Variants in ANXA8L1 observed in about 807,000 individuals in gnomAD.
The protein encoded by ANXA8L1 is annexin A8 like 1, also known as annexin A8-like protein 1.
In ANXA8L1, 10 loss-of-function variants were observed where a neutral mutation model predicts 22.5. The ratio of observed to expected loss-of-function variants is 0.44; its 90% CI spans 0.27 to 0.75. The LOEUF (loss-of-function observed/expected upper bound fraction) is 0.75, where lower values mean the gene tolerates loss of function less well. Among genes scored for constraint, ANXA8L1 ranks in the 30% least tolerant of loss-of-function variants. ANXA8L1 has a pLI of 0.15. For missense variants in ANXA8L1, 88 were observed against 219.6 expected (o/e 0.40, Z 3.79); for synonymous variants, 36 against 86.0 (o/e 0.42, Z 3.22).
intron 6 of ANXA8L1, 65 bp from the exon 7 acceptor site, chr10:46,384,709 C>T: frequency 1.2e-6 from 2 of 1,611,968 alleles, no homozygotes; most frequent in Non-Finnish European, 1.7e-6. Context: ...GCCCAGGATC[C>T]CCCCTGTGCC....
In ANXA8L1 at chr10:46,384,834, G is replaced by A. The variant is rs1840016821; in HGVS notation, c.552+1G>A. On this transcript the variant is annotated splice_donor_variant, in intron 7 of 11. Coordinates refer to ENST00000619162, the MANE Select transcript of ANXA8L1 (RefSeq NM_001098845.3). LOFTEE classifies it high-confidence loss of function. The stretch of plus-strand genomic sequence containing the variant: ...GGCACTGGCCCTCCAAGACGCACAG[G>A]TGAGGCTGCGCCCAGCCGGCCATGT... 6.2e-7 allele frequency: 1 copy of A among 1,612,918 alleles called. No homozygotes were observed. Among genetic ancestry groups the A allele is most frequent in the Admixed American group, 1.7e-5 (1 of 59,940 alleles).
rs1382587521 is a variant in ANXA8L1, at chr10:46,383,473, G to T, written c.339G>T (p.Glu113Asp). ...GTCCACAGGGCTTAGGAACCAAGGA[G>T]GGTGTCATCATTGAGATCCTGGCCT... ...HDAMKGLGTK[E>D]GVIIEILASR... Residue 113 changes from glutamate to aspartate, a missense_variant, in exon 5 of 12, where the codon GAG (glutamate) becomes GAT (aspartate). Transcript: ENST00000619162. 90 of 834,218 alleles carry T rather than the reference G, an allele frequency of 1.1e-4. No individual in the cohort carries two copies. Among genetic ancestry groups the T allele is most frequent in the Non-Finnish European group, 1.5e-4 (84 of 567,788 alleles). The allele number at this position is 834,218 out of a possible 1,614,324, so 51.7% of individuals were successfully genotyped here. A position where few individuals can be genotyped will look rare whatever the true frequency, so the allele number is the denominator to read the frequency against.
At chr10:46,385,331 C>A in intron 7 of ANXA8L1, 49 bp from the exon 8 acceptor site, 3 of 686,522 alleles carry the variant, frequency 4.4e-6, no homozygotes, top group Non-Finnish European at 6.7e-6. Flanking sequence ...CTCAGTCCCT[C>A]ACCTCCCTGG....
intron 11 of ANXA8L1, among the ~76,000 whole-genome samples, chr10:46,390,411 C>T (rs1212437642): frequency 3.4e-5 from 4 of 118,788 alleles, no homozygotes; most frequent in African/African-American, 7.3e-5. Context: ...TCGGCCACAC[C>T]GTCAGGGTGC....
In ANXA8L1 at chr10:46,385,774, C is replaced by T. The variant is rs2133015062; in HGVS notation, c.709C>T (p.His237Tyr). The T allele has an allele frequency of 2.1e-5, 7 of 339,110 alleles. No individual in the cohort carries two copies. Among genetic ancestry groups the T allele is most frequent in the East Asian group, 1.8e-4 (6 of 33,082 alleles). The allele number at this position is 339,110 out of a possible 1,614,324, so 21.0% of individuals were successfully genotyped here. A position where few individuals can be genotyped will look rare whatever the true frequency, so the allele number is the denominator to read the frequency against. Residue 237 changes from histidine to tyrosine, a missense_variant, in exon 9 of 12, where the codon CAT becomes TAT. His to Tyr is a moderately conservative substitution (Grantham distance 83). Transcript: ENST00000619162. Reference sequence around the variant, plus strand: ...TGAGGACAGCATCAAGAGTGAGACCCATGGCTCACTGGAGGAGGCCATGCT... The same window carrying T: ...TGAGGACAGCATCAAGAGTGAGACCTATGGCTCACTGGAGGAGGCCATGCT... ...SIEDSIKSET[H>Y]GSLEEAMLTV... is the part of the protein sequence containing the mutation.
chr10:46,378,843 ATC>A (rs1418514570), intron 1 of ANXA8L1, among the ~76,000 whole-genome samples: 45,557 of 130,756 alleles, frequency 0.35, 7,740 homozygotes, highest in Admixed American at 0.44. Flanking sequence ...ATCCATTGGA[ATC>A]TCTGTATTTT....
At chr10:46,376,103 T>G (rs1839924873) in intron 1 of ANXA8L1, among the ~76,000 whole-genome samples, 2 of 143,684 alleles carry the variant, frequency 1.4e-5, no homozygotes, top group Non-Finnish European at 1.5e-5. Context: ...GATGAAGAAA[T>G]CTAGAAATGC....
In ANXA8L1 at chr10:46,378,938, GTGGA is replaced by G. The variant is rs1423963662; in HGVS notation, c.22-932_22-929del. On this transcript the variant is annotated intron_variant, in intron 1 of 11. Transcript: ENST00000619162. ...GGCGGGTGCATAGATGGATGGGTGG[GTGGA>G]TGGATGGATGGATGTGGTAGTCAAA... Among the ~76,000 whole-genome samples the G allele has an allele frequency of 3.5e-3, 465 of 134,014 alleles. 17 individuals carry two copies. The highest frequency in any genetic ancestry group is 0.014 in the African/African-American group (425 of 30,638). The allele number at this position is 134,014 out of a possible 152,430, so 87.9% of individuals were successfully genotyped here. A position where few individuals can be genotyped will look rare whatever the true frequency, so the allele number is the denominator to read the frequency against.
At chr10:46,383,235 C>T (rs1402496141) in intron 4 of ANXA8L1, among the ~76,000 whole-genome samples, 1 of 148,730 alleles carries the variant, frequency 6.7e-6, no homozygotes, top group Non-Finnish European at 1.5e-5. Context: ...GACCACCCAG[C>T]TAAGGAGGGA....
intron 8 of ANXA8L1, 24 bp from the exon 9 acceptor site, chr10:46,385,688 C>A: frequency 3.0e-6 from 1 of 328,406 alleles, no homozygotes; most frequent in Non-Finnish European, 5.7e-6. Flanking sequence ...TCTGACCATC[C>A]CCTGAGCAGA....
chr10:46,389,875 G>A lies in ANXA8L1; in HGVS notation c.925-996G>A, dbSNP rs116420620. On this transcript the variant is annotated intron_variant, in intron 11 of 11. Coordinates refer to ENST00000619162, the MANE Select transcript of ANXA8L1 (RefSeq NM_001098845.3). ...CCAGCCTGGGTGACAGAGTGAGACC[G>A]TGTCTAGAAAGGAAAAAGTTAAAAA... Among the ~76,000 whole-genome samples the A allele has an allele frequency of 1.4e-4, 21 of 151,456 alleles. 1 individual carries two copies. The highest frequency in any genetic ancestry group is 4.2e-4 in the African/African-American group (17 of 40,956).
intron 6 of ANXA8L1, among the ~76,000 whole-genome samples, chr10:46,384,524 G>A (rs1194228913): frequency 0.013 from 1,510 of 113,644 alleles, 69 homozygotes; most frequent in African/African-American, 0.053. Context: ...CAGGTCCTTC[G>A]TGCAGACCTC....
In ANXA8L1 at chr10:46,375,900, G is replaced by A. The variant is rs1437088320; in HGVS notation, c.21+28G>A. On this transcript the variant is annotated intron_variant, in intron 1 of 11. Transcript: ENST00000619162. The stretch of plus-strand genomic sequence containing the variant: ...AAGTGGGAGCTGGCAGGAGATTTGC[G>A]TTCCTGCATGGTGTTGGGTGCTGGT... 5.5e-6 allele frequency: 7 copies of A among 1,266,716 alleles called. 2 individuals are homozygous for A. The highest frequency in any genetic ancestry group is 7.7e-6 in the Non-Finnish European group (7 of 907,406). 78.5% of individuals were successfully genotyped at this position (1,266,716 alleles called of 1,614,324 possible).
chr10:46,378,140 T>C (rs1839952013), intron 1 of ANXA8L1, among the ~76,000 whole-genome samples: 1 of 100,654 alleles, frequency 9.9e-6, no homozygotes, highest in Non-Finnish European at 2.1e-5. Flanking sequence ...ACCTGAGACC[T>C]ACCGCACCCC....
intron 1 of ANXA8L1, among the ~76,000 whole-genome samples, chr10:46,376,684 A>G (rs1469133057): frequency 2.5e-5 from 3 of 117,776 alleles, no homozygotes; most frequent in African/African-American, 1.0e-4. Flanking sequence ...GCCTGAGGCC[A>G]TCGCTGTGCT....
chr10:46,384,926 G>T lies in ANXA8L1; in HGVS notation c.552+93G>T, dbSNP rs1588896682. 10 of 1,590,262 alleles carry T rather than the reference G, an allele frequency of 6.3e-6. 1 individual carries two copies. In the African/African-American group the frequency reaches 1.0e-4, roughly 16 times the overall value. On this transcript the variant is annotated intron_variant, in intron 7 of 11. Transcript: ENST00000619162. Reference sequence around the variant, plus strand: ...CGGGGGCTTTCTCTGACACTGGGCTGGGACCCACCCAGCTCAGCTCCCTAT... The same window carrying T: ...CGGGGGCTTTCTCTGACACTGGGCTTGGACCCACCCAGCTCAGCTCCCTAT...
chr10:46,384,548 T>C (rs1278543383), intron 6 of ANXA8L1, among the ~76,000 whole-genome samples: 1 of 118,724 alleles, frequency 8.4e-6, no homozygotes, highest in Non-Finnish European at 1.8e-5. Context: ...CCAGGCACTT[T>C]GCTTACCTTA....
In ANXA8L1 at chr10:46,381,155, A is replaced by G; in HGVS notation, c.122A>G (p.Glu41Gly). 1 of 608,528 alleles carries G rather than the reference A, an allele frequency of 1.6e-6. No homozygotes were observed. Among genetic ancestry groups the G allele is most frequent in the Non-Finnish European group, 2.5e-6 (1 of 400,772 alleles). 37.7% of individuals were successfully genotyped at this position (608,528 alleles called of 1,614,324 possible). Residue 41 changes from glutamate to glycine, a missense_variant, in exon 3 of 12, where the codon GAG becomes GGG. Glu to Gly is a moderately conservative substitution (Grantham distance 98). Transcript: ENST00000619162. Reference sequence around the variant, plus strand: ...TGCTGTAACCCTGCAGGGACCAACGAGCAGGCTATCATCGATGTGCTCACC... The same window carrying G: ...TGCTGTAACCCTGCAGGGACCAACGGGCAGGCTATCATCGATGTGCTCACC... ...YKAMKGIGTNEQAIIDVLTKR... is the reference protein window; with the variant it reads ...YKAMKGIGTNGQAIIDVLTKR...
chr10:46,385,740 C>T lies in ANXA8L1; in HGVS notation c.675C>T (p.Asn225=), dbSNP rs1226353742. The change falls in exon 9 of 12, where the codon AAC becomes AAT. Residue 225 remains asparagine, a synonymous_variant. Coordinates refer to ENST00000619162, the MANE Select transcript of ANXA8L1 (RefSeq NM_001098845.3). The part of the protein sequence containing the change: ...RVFEEYEKIA[N]KSIEDSIKSE... ...TTGAAGAGTATGAGAAAATTGCCAA[C>T]AAGAGCATTGAGGACAGCATCAAGA... 1.2e-5 allele frequency: 4 copies of T among 347,740 alleles called. 1 individual carries two copies. Among genetic ancestry groups the T allele is most frequent in the Non-Finnish European group, 2.1e-5 (4 of 187,016 alleles). 21.5% of individuals were successfully genotyped at this position (347,740 alleles called of 1,614,324 possible). A position where few individuals can be genotyped will look rare whatever the true frequency, so the allele number is the denominator to read the frequency against.
Sources: allele counts gnomAD v4.1 joint callset (sites outside exome capture counted in the v4.1 genomes callset), GRCh38; gene constraint gnomAD v4.1.1; transcripts MANE v1.5; gene names NCBI Gene and HGNC (gene_info 2026-07-23, HGNC 2026-07-21).